NR5A2: variants seen among roughly 807,000 people sequenced by gnomAD.
The protein encoded by NR5A2 is CYP7A promoter-binding factor.
In NR5A2, 26 loss-of-function variants were observed where a neutral mutation model predicts 62.7. The observed-to-expected ratio is 0.41, with a 90% CI of 0.30 to 0.58. The LOEUF is 0.58. NR5A2 is among the 20% of genes least tolerant of loss of function. NR5A2 has a pLI of 0.22. For missense variants in NR5A2, 541 were observed against 669.1 expected (o/e 0.81, Z 2.11); for synonymous variants, 246 against 241.7 (o/e 1.02, Z -0.16).
intron 7 of NR5A2, among the ~76,000 whole-genome samples, chr1:200,173,474 G>C (rs902883252): frequency 6.6e-6 from 1 of 152,238 alleles, no homozygotes; most frequent in Admixed American, 6.5e-5. Context: ...GAATCATTTA[G>C]AAAATGTCAA....
chr1:200,110,717 C>A (rs1291473353), intron 5 of NR5A2, among the ~76,000 whole-genome samples: 1 of 152,168 alleles, frequency 6.6e-6, no homozygotes, highest in Non-Finnish European at 1.5e-5. Flanking sequence ...GTCCTATGGG[C>A]TGTAATGCTA....
At chr1:200,164,570 CAG>C (rs1437328662) in intron 7 of NR5A2, among the ~76,000 whole-genome samples, 1 of 138,714 alleles carries the variant, frequency 7.2e-6, no homozygotes, top group Non-Finnish European at 1.5e-5. Context: ...TTTTTTGAGA[CAG>C]AGTCTTGCTC....
At chr1:200,095,175 G>A (rs1321439546) in intron 5 of NR5A2, among the ~76,000 whole-genome samples, 2 of 151,470 alleles carry the variant, frequency 1.3e-5, no homozygotes, top group African/African-American at 2.4e-5. Flanking sequence ...GGAGTGCAGT[G>A]GTATACTCAT....
chr1:200,044,019 AGAGT>A, intron 3 of NR5A2, 127 bp downstream of exon 3: 1 of 630,768 alleles, frequency 1.6e-6, no homozygotes, highest in African/African-American at 1.8e-5. Flanking sequence ...GGAGAAAGAG[AGAGT>A]CTTAGGGAGA....
At chr1:200,162,108 G>C (rs528432880) in intron 7 of NR5A2, among the ~76,000 whole-genome samples, 5 of 152,310 alleles carry the variant, frequency 3.3e-5, no homozygotes, top group Non-Finnish European at 5.9e-5. Flanking sequence ...TCTCTTATTC[G>C]ACAAATGTGA....
At chr1:200,042,713 C>A in intron 2 of NR5A2, 3 of 594,106 alleles carry the variant, frequency 5.0e-6, no homozygotes, top group Non-Finnish European at 6.4e-6. Flanking sequence ...CCTGCGGGTG[C>A]CCGCCCACCC....
chr1:200,049,995 C>G (rs1017257200), intron 5 of NR5A2, among the ~76,000 whole-genome samples: 9 of 152,314 alleles, frequency 5.9e-5, no homozygotes, highest in African/African-American at 2.2e-4. Context: ...TGATAAAATT[C>G]CATCAGCACG....
intron 3 of NR5A2, 141 bp downstream of exon 3, chr1:200,044,033 A>T (rs1281252847): frequency 1.8e-6 from 1 of 556,162 alleles, no homozygotes; most frequent in Non-Finnish European, 3.2e-6. Flanking sequence ...TCTTAGGGAG[A>T]TGATTCTTAG....
chr1:200,141,326 G>C (rs1667435376), intron 7 of NR5A2, among the ~76,000 whole-genome samples: 1 of 151,088 alleles, frequency 6.6e-6, no homozygotes, highest in Non-Finnish European at 1.5e-5. Flanking sequence ...CTCCATCTCT[G>C]TAATTTTGAT....
At position 200,027,803 on chromosome 1, in the gene NR5A2, T is replaced by C. The variant is rs374712916; in HGVS notation, c.-45T>C. ...CAAGCTGCACTTTTCTTTTGCTCAATGATTTCTGCTTTAAGCCAAAGAACT... is the reference window on the plus strand; with the variant it reads ...CAAGCTGCACTTTTCTTTTGCTCAACGATTTCTGCTTTAAGCCAAAGAACT... On this transcript the variant is annotated 5_prime_UTR_variant, in exon 1 of 8. An upstream start codon of the reference 5' UTR is lost. Coordinates refer to ENST00000367362, the MANE Select transcript of NR5A2 (RefSeq NM_205860.3). The C allele has an allele frequency of 3.2e-5, 46 of 1,457,246 alleles. No individual in the cohort carries two copies. Among genetic ancestry groups the C allele is most frequent in the Non-Finnish European group, 3.9e-5 (41 of 1,056,914 alleles). The allele number at this position is 1,457,246 out of a possible 1,614,324, so 90.3% of individuals were successfully genotyped here.
intron 5 of NR5A2, among the ~76,000 whole-genome samples, chr1:200,087,797 G>A (rs1432470426): frequency 6.6e-6 from 1 of 150,592 alleles, no homozygotes; most frequent in East Asian, 1.9e-4. Context: ...TGTCTCCCAG[G>A]CTGGAGTGCA....
At chr1:200,069,330 A>T (rs1663632882) in intron 5 of NR5A2, among the ~76,000 whole-genome samples, 1 of 151,442 alleles carries the variant, frequency 6.6e-6, no homozygotes, top group African/African-American at 2.4e-5. Flanking sequence ...GCATGATCTC[A>T]GCTCACTGCA....
chr1:200,030,285 T>G (rs2102130825), intron 1 of NR5A2, among the ~76,000 whole-genome samples: 1 of 152,300 alleles, frequency 6.6e-6, no homozygotes, highest in East Asian at 1.9e-4. Flanking sequence ...TGAGCCTCCT[T>G]TTGTTTAAAA....
intron 5 of NR5A2, among the ~76,000 whole-genome samples, chr1:200,065,942 G>A (rs1208952555): frequency 6.6e-6 from 1 of 152,196 alleles, no homozygotes; most frequent in Non-Finnish European, 1.5e-5. Context: ...ATCAATGATT[G>A]TGGGGGAAAT....
At chr1:200,122,835 T>C (rs1666537342) in intron 7 of NR5A2, among the ~76,000 whole-genome samples, 1 of 152,152 alleles carries the variant, frequency 6.6e-6, no homozygotes, top group Non-Finnish European at 1.5e-5. Flanking sequence ...CGAGAGTCTA[T>C]TTTTTTAGAG....
intron 4 of NR5A2, among the ~76,000 whole-genome samples, chr1:200,046,052 G>A (rs1222672177): frequency 1.3e-5 from 2 of 152,140 alleles, no homozygotes; most frequent in Non-Finnish European, 2.9e-5. Context: ...TGATTCTTAA[G>A]AGTTAAAGCC....
rs186265452 is a variant in NR5A2 at position 200,104,755 on chromosome 1, C to T, written c.1111-6447C>T. ...TCGGCTCACTGCAACCTCCGCCTTC[C>T]GGGTTCAAGCAATTCTCCTGTCTCA... On this transcript the variant is annotated intron_variant, in intron 5 of 7. Coordinates refer to ENST00000367362, the MANE Select transcript of NR5A2 (RefSeq NM_205860.3). 9.8e-5 allele frequency among the ~76,000 whole-genome samples: 15 copies of T among 152,294 alleles called. No homozygotes were observed. In the East Asian group the frequency reaches 2.5e-3, roughly 25 times the overall value.
chr1:200,115,036 C>CT (rs11421699), intron 6 of NR5A2, among the ~76,000 whole-genome samples: 65,895 of 151,858 alleles, frequency 0.43, 14,653 homozygotes, highest in East Asian at 0.68. Flanking sequence ...AATGGATATG[C>CT]TTTTTTTGTG....
chr1:200,176,210 T>C lies in NR5A2; in HGVS notation c.*2000T>C, dbSNP rs559448001. On this transcript the variant is annotated 3_prime_UTR_variant, in exon 8 of 8. Transcript: ENST00000367362. ...TGGTTTTCAAGTAAACTCAACAAGG[T>C]GGAGTCTTACCTGGTTTTCCTTTCC... The C allele has an allele frequency of 2.0e-5, 3 of 152,748 alleles. No homozygotes were observed. The highest frequency in any genetic ancestry group is 7.2e-5 in the African/African-American group (3 of 41,574). 9.5% of individuals were successfully genotyped at this position (152,748 alleles called of 1,614,324 possible). A position where few individuals can be genotyped will look rare whatever the true frequency, so the allele number is the denominator to read the frequency against.
Sources: gnomAD v4.1 joint callset for allele counts (sites outside exome capture counted in the v4.1 genomes callset) on GRCh38, gnomAD v4.1.1 for gene constraint, MANE v1.5 for transcripts, NCBI Gene and HGNC (gene_info 2026-07-23, HGNC 2026-07-21) for gene names.